NAV2: variants seen among roughly 807,000 people sequenced by gnomAD.
NAV2 encodes the protein neuron navigator 2, also known as helicase, APC down-regulated 1.
Under a neutral mutation model 223.2 loss-of-function variants are expected in NAV2, and 54 were observed. That is an observed-to-expected ratio of 0.24 (90% confidence interval 0.19 to 0.30). NAV2 has a LOEUF of 0.30. NAV2 is among the 10% of genes least tolerant of loss of function. The pLI is 1.00. For synonymous variants in NAV2, 1,279 were observed against 1,239.3 expected, an observed-to-expected ratio of 1.03 and a Z score of -0.67; for missense variants, 2,806 against 3,147.5, an observed-to-expected ratio of 0.89 and a Z score of 2.60.
intron 1 of NAV2, among the ~76,000 whole-genome samples, chr11:19,422,692 T>C (rs530571082): frequency 2.6e-5 from 4 of 152,216 alleles, no homozygotes; most frequent in Admixed American, 6.5e-5. Context: ...GAAGATTACA[T>C]TGGAATCGTC....
chr11:19,418,854 A>G (rs545763823), intron 1 of NAV2, among the ~76,000 whole-genome samples: 25 of 152,278 alleles, frequency 1.6e-4, no homozygotes, highest in Non-Finnish European at 2.9e-4. Flanking sequence ...CGGTTAGGCT[A>G]TAGTGGGAGT....
At chr11:20,113,679 T>C (rs964085201) in intron 36 of NAV2, among the ~76,000 whole-genome samples, 18 of 152,144 alleles carry the variant, frequency 1.2e-4, no homozygotes, top group African/African-American at 4.1e-4. Context: ...ATAGGGGCTG[T>C]AAGAGTCAGA....
chr11:19,577,041 G>A (rs1259793457), intron 1 of NAV2, among the ~76,000 whole-genome samples: 2 of 152,200 alleles, frequency 1.3e-5, no homozygotes, highest in Admixed American at 6.5e-5. Flanking sequence ...TGGGTTCCAG[G>A]AAGTGCCTTG....
At chr11:19,445,224 AG>A (rs1851540740) in intron 1 of NAV2, among the ~76,000 whole-genome samples, 1 of 152,166 alleles carries the variant, frequency 6.6e-6, no homozygotes. Context: ...GAAGATAGAC[AG>A]GGCCCCCTTT....
chr11:19,804,674 CATCT>C (rs1445349134), intron 1 of NAV2, among the ~76,000 whole-genome samples: 2 of 152,170 alleles, frequency 1.3e-5, no homozygotes, highest in Non-Finnish European at 2.9e-5. Flanking sequence ...TCCATCCATC[CATCT>C]GATAGACATT....
At chr11:19,780,970 A>C (rs1278677731) in intron 1 of NAV2, among the ~76,000 whole-genome samples, 1 of 152,202 alleles carries the variant, frequency 6.6e-6, no homozygotes. Context: ...ATTTATCATC[A>C]AGAAAAGATT....
intron 1 of NAV2, among the ~76,000 whole-genome samples, chr11:19,689,025 G>T (rs559812894): frequency 1.3e-5 from 2 of 152,338 alleles, no homozygotes; most frequent in Admixed American, 1.3e-4. Context: ...AAGTAACTCA[G>T]TATAAGGAGA....
chr11:20,014,344 C>T (rs2254243), intron 11 of NAV2, among the ~76,000 whole-genome samples: 152,016 of 152,368 alleles, frequency 1, 75,835 homozygotes, highest in Middle Eastern at 1. Context: ...ATAGAGATAA[C>T]AGTGCAGCTG....
intron 9 of NAV2, among the ~76,000 whole-genome samples, chr11:19,947,358 C>G (rs1221223355): frequency 6.6e-6 from 1 of 152,160 alleles, no homozygotes; most frequent in African/African-American, 2.4e-5. Context: ...GCTTAAGGGA[C>G]CAAATTGGCT....
intron 11 of NAV2, among the ~76,000 whole-genome samples, chr11:20,026,886 T>C (rs2055136624): frequency 6.6e-6 from 1 of 152,210 alleles, no homozygotes. Context: ...TGGGAGAACA[T>C]ATGTTACATA....
At chr11:19,644,087 C>T (rs1273224874) in intron 1 of NAV2, among the ~76,000 whole-genome samples, 1 of 152,152 alleles carries the variant, frequency 6.6e-6, no homozygotes, top group African/African-American at 2.4e-5. Context: ...TGTGCACACA[C>T]ACACACACAG....
At chr11:19,443,962 G>C (rs1198205021) in intron 1 of NAV2, among the ~76,000 whole-genome samples, 5 of 152,068 alleles carry the variant, frequency 3.3e-5, no homozygotes, top group Admixed American at 2.0e-4. Flanking sequence ...ACGGAGTCTT[G>C]TTCTGTTGCC....
At chr11:19,963,503 T>G (rs1262748689) in intron 10 of NAV2, among the ~76,000 whole-genome samples, 2 of 152,048 alleles carry the variant, frequency 1.3e-5, no homozygotes, top group East Asian at 3.9e-4. Flanking sequence ...CCCTGGATAC[T>G]CCCAGTGCCA....
chr11:19,450,008 A>G (rs1377346606), intron 1 of NAV2, among the ~76,000 whole-genome samples: 1 of 152,132 alleles, frequency 6.6e-6, no homozygotes, highest in Admixed American at 6.5e-5. Flanking sequence ...CGATCTGAAA[A>G]CTGTGTTATT....
At chr11:19,642,230 C>T (rs1364185415) in intron 1 of NAV2, among the ~76,000 whole-genome samples, 1 of 152,188 alleles carries the variant, frequency 6.6e-6, no homozygotes, top group Admixed American at 6.5e-5. Context: ...CAGCCAGCCC[C>T]ACCCAGGCAC....
intron 12 of NAV2, among the ~76,000 whole-genome samples, chr11:20,042,581 G>A (rs768433776): frequency 6.6e-6 from 1 of 152,156 alleles, no homozygotes; most frequent in Non-Finnish European, 1.5e-5. Context: ...GGTTGGGGTG[G>A]TGTTGGGGAG....
chr11:20,088,532 A>G (rs1482085273), intron 26 of NAV2, among the ~76,000 whole-genome samples: 2 of 152,192 alleles, frequency 1.3e-5, no homozygotes, highest in Admixed American at 6.5e-5. Context: ...ATGAGGCCTC[A>G]TCATTGTGTG....
At chr11:19,641,657 G>T (rs932234531) in intron 1 of NAV2, among the ~76,000 whole-genome samples, 1 of 151,794 alleles carries the variant, frequency 6.6e-6, no homozygotes, top group African/African-American at 2.4e-5. Context: ...TCCGGCGTTT[G>T]CACTGGCTGC....
intron 1 of NAV2, among the ~76,000 whole-genome samples, chr11:19,392,394 T>TTTC (rs34474979): frequency 6.6e-6 from 1 of 151,748 alleles, no homozygotes; most frequent in Non-Finnish European, 1.5e-5. Context: ...TTTTTTTTTT[T>TTTC]CTGCTTTTTG....
Sources: allele counts gnomAD v4.1 joint callset (sites outside exome capture counted in the v4.1 genomes callset), GRCh38; gene constraint gnomAD v4.1.1; transcripts MANE v1.5; gene names NCBI Gene and HGNC (gene_info 2026-07-23, HGNC 2026-07-21).